The following EDIL3 variants were observed in gnomAD, a reference collection of about 807,000 sequenced individuals.
The protein encoded by EDIL3 is EGF like and discoidin domains 3.
Under a neutral mutation model 67.4 loss-of-function variants are expected in EDIL3, and 37 were observed. The ratio of observed to expected loss-of-function variants is 0.55; its 90% confidence interval spans 0.42 to 0.72. EDIL3 has a LOEUF of 0.72. Ranked by LOEUF, EDIL3 falls within the 30% of genes least tolerant of loss-of-function variation. The pLI is 0.00. For missense variants in EDIL3, 527 were observed against 586.3 expected (o/e 0.90, Z 1.04); for synonymous variants, 195 against 196.3 (o/e 0.99, Z 0.05).
intron 6 of EDIL3, among the ~76,000 whole-genome samples, chr5:84,086,489 C>T (rs1747074741): frequency 6.6e-6 from 1 of 152,136 alleles, no homozygotes; most frequent in African/African-American, 2.4e-5. Flanking sequence ...GCACCCACTG[C>T]CTAACCAATC....
chr5:84,010,436 C>G (rs2112179556), intron 9 of EDIL3, among the ~76,000 whole-genome samples: 1 of 152,184 alleles, frequency 6.6e-6, no homozygotes, highest in South Asian at 2.1e-4. Context: ...CAGTTTTGTT[C>G]TATTTATTTC....
At chr5:84,118,208 A>G (rs1369437542) in intron 5 of EDIL3, among the ~76,000 whole-genome samples, 1 of 152,152 alleles carries the variant, frequency 6.6e-6, no homozygotes, top group Non-Finnish European at 1.5e-5. Flanking sequence ...AAAAAAACAA[A>G]AAAAGGAAAG....
intron 2 of EDIL3, among the ~76,000 whole-genome samples, chr5:84,253,314 C>G (rs1281951778): frequency 6.6e-6 from 1 of 152,130 alleles, no homozygotes; most frequent in Non-Finnish European, 1.5e-5. Context: ...CTTCGTGGTA[C>G]TAATGCGAAA....
chr5:84,088,377 T>G (rs1747109115), intron 6 of EDIL3, among the ~76,000 whole-genome samples: 1 of 152,224 alleles, frequency 6.6e-6, no homozygotes. Flanking sequence ...GTCTGGGTTT[T>G]TTGTTTGTTG....
chr5:84,301,152 C>T (rs1049352809), intron 1 of EDIL3, among the ~76,000 whole-genome samples: 2 of 151,876 alleles, frequency 1.3e-5, no homozygotes, highest in African/African-American at 2.4e-5. Context: ...CCTGTAATCC[C>T]GGCTACTCGG....
Position 84,345,298 on chromosome 5 carries a change from A to G in EDIL3, c.67+39010T>C, listed in dbSNP as rs115611041. ...TGCCAAGGAAATGTCATCTGAACAC[A>G]CTATTTTCCACAAAGAAAGATGGAA... On this transcript the variant is annotated intron_variant, in intron 1 of 10. Coordinates refer to ENST00000296591, the MANE Select transcript of EDIL3 (RefSeq NM_005711.5). Among the ~76,000 whole-genome samples the G allele has an allele frequency of 9.9e-3, 1,501 of 152,290 alleles. 27 individuals are homozygous for G. The highest frequency in any genetic ancestry group is 0.034 in the African/African-American group (1,431 of 41,554).
intron 5 of EDIL3, among the ~76,000 whole-genome samples, chr5:84,118,421 A>G (rs973418466): frequency 2.6e-5 from 4 of 152,212 alleles, no homozygotes; most frequent in Non-Finnish European, 4.4e-5. Flanking sequence ...CATACAATTT[A>G]CAAATGCAGG....
chr5:84,300,500 T>A (rs1457674744), intron 1 of EDIL3, among the ~76,000 whole-genome samples: 1 of 152,230 alleles, frequency 6.6e-6, no homozygotes. Context: ...CTACCACATC[T>A]ACTATCATGT....
At chr5:84,059,990 C>T (rs1431736919) in intron 9 of EDIL3, among the ~76,000 whole-genome samples, 1 of 152,100 alleles carries the variant, frequency 6.6e-6, no homozygotes, top group Non-Finnish European at 1.5e-5. Flanking sequence ...AATATTAATA[C>T]AAAGTATTAG....
chr5:83,969,949 C>T (rs1419744723), intron 9 of EDIL3, among the ~76,000 whole-genome samples: 6 of 151,580 alleles, frequency 4.0e-5, no homozygotes, highest in African/African-American at 1.5e-4. Flanking sequence ...TTACAGTCAA[C>T]TATAGTCATC....
At chr5:84,044,646 T>G (rs1746188717) in intron 9 of EDIL3, among the ~76,000 whole-genome samples, 1 of 152,138 alleles carries the variant, frequency 6.6e-6, no homozygotes, top group Non-Finnish European at 1.5e-5. Context: ...GTCATCTGGA[T>G]AATGGAAATT....
chr5:84,262,659 GTTTTTTTTTTTT>G lies in EDIL3; in HGVS notation c.68-8459_68-8448del, dbSNP rs773035274. 1.3e-3 allele frequency among the ~76,000 whole-genome samples: 60 copies of G among 46,320 alleles called. 1 individual carries two copies. Among genetic ancestry groups the G allele is most frequent in the East Asian group, 9.5e-3 (11 of 1,152 alleles). The allele number at this position is 46,320 out of a possible 152,430, so 30.4% of individuals were successfully genotyped here. On this transcript the variant is annotated intron_variant, in intron 1 of 10. Transcript: ENST00000296591. ...AAACTACAATTCCCAAGGTTGGTTG[GTTTTTTTTTTTT>G]TTTTTTTTTTTTTTTTTTGAGATGA... is the stretch of plus-strand genomic sequence containing the variant.
At chr5:84,025,020 C>G (rs115134181) in intron 9 of EDIL3, among the ~76,000 whole-genome samples, 3,886 of 152,088 alleles carry the variant, frequency 0.026, 169 homozygotes, top group African/African-American at 0.088. Flanking sequence ...AGCAAGGAAA[C>G]CTTTCCCAGA....
At chr5:84,148,109 A>C (rs2112327066) in intron 4 of EDIL3, among the ~76,000 whole-genome samples, 1 of 152,258 alleles carries the variant, frequency 6.6e-6, no homozygotes, top group South Asian at 2.1e-4. Flanking sequence ...AATTATGAGA[A>C]AAATATCTTG....
intron 9 of EDIL3, among the ~76,000 whole-genome samples, chr5:84,006,710 C>T (rs1745423624): frequency 6.6e-6 from 1 of 152,118 alleles, no homozygotes; most frequent in African/African-American, 2.4e-5. Context: ...AAACAGGTAA[C>T]ACCTGAACCT....
chr5:84,250,654 G>A (rs570707295), intron 2 of EDIL3, among the ~76,000 whole-genome samples: 31 of 152,272 alleles, frequency 2.0e-4, no homozygotes, highest in Non-Finnish European at 3.4e-4. Flanking sequence ...CTCTAAGCAT[G>A]CATTTGAAAT....
At chr5:84,326,785 A>G (rs1298685811) in intron 1 of EDIL3, among the ~76,000 whole-genome samples, 2 of 151,888 alleles carry the variant, frequency 1.3e-5, no homozygotes, top group South Asian at 2.1e-4. Context: ...TTTTATCTTT[A>G]ATATTGTTTT....
At chr5:84,320,634 T>A (rs1280850357) in intron 1 of EDIL3, among the ~76,000 whole-genome samples, 1 of 152,090 alleles carries the variant, frequency 6.6e-6, no homozygotes, top group Non-Finnish European at 1.5e-5. Flanking sequence ...TACTATACCA[T>A]GTTAGAGCAT....
intron 1 of EDIL3, among the ~76,000 whole-genome samples, chr5:84,312,414 G>A (rs1373491380): frequency 6.6e-5 from 9 of 136,888 alleles, no homozygotes; most frequent in African/African-American, 1.1e-4. Flanking sequence ...CGGACGGGGC[G>A]GCTGGCCGGG....
Sources: gnomAD v4.1 joint callset for allele counts (sites outside exome capture counted in the v4.1 genomes callset) on GRCh38, gnomAD v4.1.1 for gene constraint, MANE v1.5 for transcripts, NCBI Gene and HGNC (gene_info 2026-07-23, HGNC 2026-07-21) for gene names.